SCUBE3: variants seen among roughly 807,000 people sequenced by gnomAD.
SCUBE3 encodes the protein signal peptide, CUB domain and EGF like domain containing 3.
SCUBE3 carries 33 observed loss-of-function variants against 116.8 expected under a neutral mutation model. That is an observed-to-expected ratio of 0.28 (90% CI 0.21 to 0.38). SCUBE3 has a LOEUF of 0.38. SCUBE3 is among the 10% of genes least tolerant of loss of function. SCUBE3 has a pLI of 1.00. For missense variants in SCUBE3, 1,007 were observed against 1,324.8 expected (o/e 0.76, Z 3.72); for synonymous variants, 418 against 496.9 (o/e 0.84, Z 2.11).
In SCUBE3 at chr6:35,239,578, AAGAG is replaced by A. The variant is rs996848717; in HGVS notation, c.830-164_830-161del. ...GAACAGGGAAGAAACAGAGACAGGA[AAGAG>A]AGAGAGAGACAGGAAAGAGAAAGAG... is the stretch of plus-strand genomic sequence containing the variant. On this transcript the variant is annotated intron_variant, in intron 7 of 21. Transcript: ENST00000274938. This position sits in a 1 kb window ranked among gnomAD's most constrained non-coding sequence, Gnocchi z 4.1. Among the ~76,000 whole-genome samples the A allele has an allele frequency of 1.3e-5, 2 of 152,050 alleles. No individual in the cohort carries two copies. Among genetic ancestry groups the A allele is most frequent in the African/African-American group, 2.4e-5 (1 of 41,362 alleles).
intron 1 of SCUBE3, among the ~76,000 whole-genome samples, chr6:35,227,169 C>T (rs1349270718): frequency 6.6e-6 from 1 of 152,158 alleles, no homozygotes; most frequent in Non-Finnish European, 1.5e-5. Context: ...TGGACCCTGC[C>T]ACCTTCCCAG....
chr6:35,215,902 C>G (rs1056637159), intron 1 of SCUBE3, among the ~76,000 whole-genome samples: 8 of 152,252 alleles, frequency 5.3e-5, no homozygotes, highest in East Asian at 1.9e-4. Context: ...ACTGCCACCC[C>G]CAACCTGGGA....
At chr6:35,225,242 A>C (rs1783280432) in intron 1 of SCUBE3, among the ~76,000 whole-genome samples, 1 of 152,180 alleles carries the variant, frequency 6.6e-6, no homozygotes, top group Non-Finnish European at 1.5e-5. Flanking sequence ...CCCCATTTTA[A>C]GGGGGAGGAG....
Position 35,228,540 on chromosome 6 carries a change from CA to C in SCUBE3, c.209-73del. 1 of 1,544,412 alleles carries C rather than the reference CA, an allele frequency of 6.5e-7. No individual in the cohort carries two copies. Among genetic ancestry groups the C allele is most frequent in the Non-Finnish European group, 8.9e-7 (1 of 1,125,750 alleles). On this transcript the variant is annotated intron_variant, in intron 2 of 21. Coordinates refer to ENST00000274938, the MANE Select transcript of SCUBE3 (RefSeq NM_152753.4). The surrounding 1 kb of genome is among the most constrained non-coding windows in gnomAD (Gnocchi z 4.9). ...ATGAACATAACTATGTAAACACAACCATAAGGCTGAGTCTGGGGGTGGACAG... is the reference window on the plus strand; with the variant it reads ...ATGAACATAACTATGTAAACACAACCTAAGGCTGAGTCTGGGGGTGGACAG...
rs1782820645 is a variant in SCUBE3 at position 35,214,797 on chromosome 6, A to G, written c.85+294A>G. On this transcript the variant is annotated intron_variant, in intron 1 of 21. Coordinates refer to ENST00000274938, the MANE Select transcript of SCUBE3 (RefSeq NM_152753.4). The surrounding 1 kb of genome is among the most constrained non-coding windows in gnomAD (Gnocchi z 6.3). ...CTTCATCCACTCCCAGCATCTTCGA[A>G]AGACTTCTTGTCTTCCAAAATCTGA... Among the ~76,000 whole-genome samples, 1 of 152,160 alleles carries G rather than the reference A, an allele frequency of 6.6e-6. No homozygotes were observed. Among genetic ancestry groups the G allele is most frequent in the Non-Finnish European group, 1.5e-5 (1 of 68,012 alleles).
At position 35,232,372 on chromosome 6, in the gene SCUBE3, T is replaced by TA. The variant is rs1367271842; in HGVS notation, c.470-475dup. Among the ~76,000 whole-genome samples the TA allele has an allele frequency of 6.6e-6, 1 of 152,192 alleles. No individual in the cohort carries two copies. Among genetic ancestry groups the TA allele is most frequent in the Admixed American group, 6.5e-5 (1 of 15,276 alleles). On this transcript the variant is annotated intron_variant, in intron 4 of 21. Coordinates refer to ENST00000274938, the MANE Select transcript of SCUBE3 (RefSeq NM_152753.4). The surrounding 1 kb of genome is among the most constrained non-coding windows in gnomAD (Gnocchi z 4.2). ...TGCCCTGCGTGTAGTGAGAGTTTAA[T>TA]AAATGTTTGTTGAATAAAATTGCAT...
Position 35,244,864 on chromosome 6 carries a change from G to A in SCUBE3, c.2401+53G>A, listed in dbSNP as rs1784262603. The A allele has an allele frequency of 6.3e-7, 1 of 1,576,848 alleles. No individual in the cohort carries two copies. The highest frequency in any genetic ancestry group is 2.2e-5 in the East Asian group (1 of 44,668). ...GGGAGGAGAGAGGCCTGGGAGCAGT[G>A]GACATCTAAAGGAGGGGTGTGAAAC... On this transcript the variant is annotated intron_variant, in intron 18 of 21. Coordinates refer to ENST00000274938, the MANE Select transcript of SCUBE3 (RefSeq NM_152753.4). The surrounding 1 kb of genome is among the most constrained non-coding windows in gnomAD (Gnocchi z 4.3).
In SCUBE3 at chr6:35,231,670, AT is replaced by A; in HGVS notation, c.335-54del. The A allele has an allele frequency of 2.0e-6, 3 of 1,506,722 alleles. No homozygotes were observed. Among genetic ancestry groups the A allele is most frequent in the Non-Finnish European group, 1.8e-6 (2 of 1,111,536 alleles). 93.3% of individuals were successfully genotyped at this position (1,506,722 alleles called of 1,614,324 possible). ...GCCTTTGGTGCTGAAGTCTTGGGATATACCCTGGACCCTGCCTGTACCCCAT... is the reference window on the plus strand; with the variant it reads ...GCCTTTGGTGCTGAAGTCTTGGGATAACCCTGGACCCTGCCTGTACCCCAT... On this transcript the variant is annotated intron_variant, in intron 3 of 21. Coordinates refer to ENST00000274938, the MANE Select transcript of SCUBE3 (RefSeq NM_152753.4). The surrounding 1 kb of genome is among the most constrained non-coding windows in gnomAD (Gnocchi z 4.2).
intron 6 of SCUBE3, among the ~76,000 whole-genome samples, chr6:35,237,477 C>T (rs1783823894): frequency 6.6e-6 from 1 of 152,184 alleles, no homozygotes; most frequent in African/African-American, 2.4e-5. Flanking sequence ...AATCCCCACC[C>T]ACCCACCAAA....
At chr6:35,222,415 C>G (rs1783151176) in intron 1 of SCUBE3, 1 of 152,234 alleles carries the variant, frequency 6.6e-6, no homozygotes, top group Non-Finnish European at 1.5e-5. Flanking sequence ...CCCTTCCTAC[C>G]TACTTTAGGA....
intron 6 of SCUBE3, among the ~76,000 whole-genome samples, chr6:35,236,694 G>A (rs1239817837): frequency 3.3e-5 from 5 of 152,224 alleles, no homozygotes; most frequent in African/African-American, 1.2e-4. Context: ...TTGGGCCTGA[G>A]TGTGGGGAGT....
intron 3 of SCUBE3, among the ~76,000 whole-genome samples, chr6:35,229,510 G>A (rs1783451717): frequency 6.6e-6 from 1 of 152,150 alleles, no homozygotes; most frequent in Non-Finnish European, 1.5e-5. Context: ...TTAGCACATG[G>A]TAGGAGCTCA....
At position 35,244,235 on chromosome 6, in the gene SCUBE3, C is replaced by T. The variant is rs564934758; in HGVS notation, c.2239+105C>T. On this transcript the variant is annotated intron_variant, in intron 17 of 21. Transcript: ENST00000274938. This position sits in a 1 kb window ranked among gnomAD's most constrained non-coding sequence, Gnocchi z 4.3. ...CACTGACCCACCATTTTCTCCAAAC[C>T]AGTAATGGGCCCAGCTACTTGACCA... is the stretch of plus-strand genomic sequence containing the variant. 2.6e-5 allele frequency: 26 copies of T among 987,478 alleles called. No homozygotes were observed. In the African/African-American group the frequency reaches 3.9e-4, roughly 15 times the overall value. The allele number at this position is 987,478 out of a possible 1,614,324, so 61.2% of individuals were successfully genotyped here. A position where few individuals can be genotyped will look rare whatever the true frequency, so the allele number is the denominator to read the frequency against.
Position 35,241,893 on chromosome 6 carries a change from A to ACTC in SCUBE3, c.1402_1404dup (p.Ser468dup). 1 of 1,608,160 alleles carries ACTC rather than the reference A, an allele frequency of 6.2e-7. No individual in the cohort carries two copies. The highest frequency in any genetic ancestry group is 1.1e-5 in the South Asian group (1 of 91,036). On this transcript the variant is annotated inframe_insertion, in exon 12 of 22. Transcript: ENST00000274938. The surrounding 1 kb of genome is among the most constrained non-coding windows in gnomAD (Gnocchi z 4.1). ...GCTGGCCACAATGGGAACAGCACCAACTCCAACCACTGCCATGGTAAGCAC... is the reference window on the plus strand; with the variant it reads ...GCTGGCCACAATGGGAACAGCACCAACTCCTCCAACCACTGCCATGGTAAGCAC...
rs947735307 is a variant in SCUBE3 at position 35,219,139 on chromosome 6, T to G, written c.85+4636T>G. Among the ~76,000 whole-genome samples, 1 of 152,174 alleles carries G rather than the reference T, an allele frequency of 6.6e-6. No homozygotes were observed. The highest frequency in any genetic ancestry group is 2.4e-5 in the African/African-American group (1 of 41,432). ...CTTCCTTTCTTCCCCCACCCCAGTT[T>G]CCTGGAACCCCAAGTAGCTGATAGT... On this transcript the variant is annotated intron_variant, in intron 1 of 21. Transcript: ENST00000274938. The surrounding 1 kb of genome is among the most constrained non-coding windows in gnomAD (Gnocchi z 4.7).
intron 1 of SCUBE3, among the ~76,000 whole-genome samples, chr6:35,218,618 C>T (rs1054665278): frequency 6.6e-6 from 1 of 152,190 alleles, no homozygotes; most frequent in African/African-American, 2.4e-5. Context: ...GACCTGGGGA[C>T]AGCTTCTTCA....
intron 1 of SCUBE3, among the ~76,000 whole-genome samples, chr6:35,225,122 T>C (rs1239719452): frequency 1.3e-5 from 2 of 152,208 alleles, no homozygotes; most frequent in Non-Finnish European, 2.9e-5. Context: ...TTTAATACCA[T>C]CTCAAGCTTC....
At position 35,240,336 on chromosome 6, in the gene SCUBE3, C is replaced by T. The variant is rs1429220824; in HGVS notation, c.953-38C>T. On this transcript the variant is annotated intron_variant, in intron 8 of 21. Transcript: ENST00000274938. This position sits in a 1 kb window ranked among gnomAD's most constrained non-coding sequence, Gnocchi z 4.6. The stretch of plus-strand genomic sequence containing the variant: ...TCACCTGAGCAAGGGTCAAGTGCTC[C>T]AAGACAGATTCAGTGGCTTGAATCT... 2 of 1,358,968 alleles carry T rather than the reference C, an allele frequency of 1.5e-6. No homozygotes were observed. Among genetic ancestry groups the T allele is most frequent in the Non-Finnish European group, 2.1e-6 (2 of 966,954 alleles). 84.2% of individuals were successfully genotyped at this position (1,358,968 alleles called of 1,614,324 possible).
chr6:35,244,958 C>A lies in SCUBE3; in HGVS notation c.2401+147C>A. The A allele has an allele frequency of 1.2e-6, 1 of 816,192 alleles. No individual in the cohort carries two copies. Among genetic ancestry groups the A allele is most frequent in the East Asian group, 2.6e-5 (1 of 39,174 alleles). The allele number at this position is 816,192 out of a possible 1,614,324, so 50.6% of individuals were successfully genotyped here. On this transcript the variant is annotated intron_variant, in intron 18 of 21. Coordinates refer to ENST00000274938, the MANE Select transcript of SCUBE3 (RefSeq NM_152753.4). This position sits in a 1 kb window ranked among gnomAD's most constrained non-coding sequence, Gnocchi z 4.3. Reference sequence around the variant, plus strand: ...ACCTTCCACCTCTCCCCAACTCACTCAATCTCAAGGCCAGTTGCTAGGCTG... The same window carrying A: ...ACCTTCCACCTCTCCCCAACTCACTAAATCTCAAGGCCAGTTGCTAGGCTG...
Sources: allele counts gnomAD v4.1 joint callset (sites outside exome capture counted in the v4.1 genomes callset), GRCh38; gene constraint gnomAD v4.1.1; non-coding constraint Gnocchi (gnomAD v3.1); transcripts MANE v1.5; gene names NCBI Gene and HGNC (gene_info 2026-07-23, HGNC 2026-07-21).